Variants in PIK3CB observed in about 807,000 individuals in gnomAD.
PIK3CB encodes the protein phosphatidylinositol 4,5-bisphosphate 3-kinase catalytic subunit beta isoform.
PIK3CB carries 39 observed loss-of-function variants against 136.8 expected under a neutral mutation model. The ratio of observed to expected loss-of-function variants is 0.29; its 90% CI spans 0.22 to 0.37. The LOEUF is 0.37. PIK3CB is among the 10% of genes least tolerant of loss of function. The pLI is 1.00. For missense variants in PIK3CB, 868 were observed against 1,275.4 expected, an observed-to-expected ratio of 0.68 and a Z score of 4.87; for synonymous variants, 428 against 436.6, an observed-to-expected ratio of 0.98 and a Z score of 0.25.
rs2108561647 is a variant in PIK3CB at position 138,707,555 on chromosome 3, T to A, written c.1400-266A>T. The A allele has an allele frequency of 3.3e-6, 4 of 1,194,326 alleles. No homozygotes were observed. The South Asian group carries it at 9.4e-5, about 28-fold the overall frequency. 74.0% of individuals were successfully genotyped at this position (1,194,326 alleles called of 1,614,324 possible). A position where few individuals can be genotyped will look rare whatever the true frequency, so the allele number is the denominator to read the frequency against. On this transcript the variant is annotated intron_variant, in intron 10 of 23. Transcript: ENST00000674063. ...CTCTTAATTCAAATTTAGTTCTCAATCTTGAAAAGACTTTAATTGGAACTG... is the reference window on the plus strand; with the variant it reads ...CTCTTAATTCAAATTTAGTTCTCAAACTTGAAAAGACTTTAATTGGAACTG...
intron 19 of PIK3CB, 93 bp from the exon 20 acceptor site, chr3:138,665,296 T>C: frequency 3.2e-6 from 3 of 949,078 alleles, no homozygotes; most frequent in South Asian, 5.4e-5. Flanking sequence ...AAAAAAGTTT[T>C]ATTATTATTG....
At chr3:138,831,417 A>C (rs891027975) in intron 1 of PIK3CB, among the ~76,000 whole-genome samples, 42 of 145,686 alleles carry the variant, frequency 2.9e-4, no homozygotes, top group African/African-American at 1.0e-3. Context: ...ACATGGAGAA[A>C]CCCCTAAAAA....
intron 1 of PIK3CB, among the ~76,000 whole-genome samples, chr3:138,806,015 A>G (rs997338035): frequency 2.0e-5 from 3 of 151,622 alleles, no homozygotes; most frequent in African/African-American, 7.3e-5. Context: ...GGCATGAGCC[A>G]CCGCGCCCGG....
Position 138,653,842 on chromosome 3 carries a change from G to A in PIK3CB, c.*1547C>T, listed in dbSNP as rs1161105196. On this transcript the variant is annotated 3_prime_UTR_variant, in exon 24 of 24. Transcript: ENST00000674063. ...TACCTCAGGCTCCCACCAAAGTCCA[G>A]GGGGCCTCCTATACCATGCCTGATG... 1 of 198,792 alleles carries A rather than the reference G, an allele frequency of 5.0e-6. No homozygotes were observed. Among genetic ancestry groups the A allele is most frequent in the Non-Finnish European group, 1.0e-5 (1 of 96,198 alleles). 12.3% of individuals were successfully genotyped at this position (198,792 alleles called of 1,614,324 possible).
chr3:138,699,720 T>C (rs578174349), intron 12 of PIK3CB, among the ~76,000 whole-genome samples: 1 of 152,202 alleles, frequency 6.6e-6, no homozygotes, highest in African/African-American at 2.4e-5. Context: ...TGAGAACTCA[T>C]GGTCTTTAAT....
At chr3:138,766,047 C>T (rs1056644619) in intron 2 of PIK3CB, among the ~76,000 whole-genome samples, 1 of 152,136 alleles carries the variant, frequency 6.6e-6, no homozygotes, top group Non-Finnish European at 1.5e-5. Flanking sequence ...TTGCCTAATG[C>T]TGCCATGTCT....
intron 14 of PIK3CB, among the ~76,000 whole-genome samples, chr3:138,693,333 G>A (rs1436286807): frequency 5.9e-5 from 9 of 151,384 alleles, no homozygotes; most frequent in Non-Finnish European, 8.8e-5. Context: ...TGGGCTCATC[G>A]ATCTGCCTGC....
At chr3:138,695,364 T>C (rs148678109) in intron 13 of PIK3CB, among the ~76,000 whole-genome samples, 74 of 152,360 alleles carry the variant, frequency 4.9e-4, no homozygotes, top group African/African-American at 1.7e-3. Flanking sequence ...TTTCTTTCAA[T>C]TGATTGCTCA....
intron 16 of PIK3CB, among the ~76,000 whole-genome samples, chr3:138,688,268 G>A (rs2043934893): frequency 6.6e-6 from 1 of 151,878 alleles, no homozygotes; most frequent in South Asian, 2.1e-4. Context: ...TTGGGAGGCC[G>A]AGGCGGGCGG....
chr3:138,779,288 G>A (rs1245257195), intron 2 of PIK3CB, among the ~76,000 whole-genome samples: 2 of 150,546 alleles, frequency 1.3e-5, no homozygotes, highest in African/African-American at 2.4e-5. Context: ...GGGTTTCACC[G>A]TGTTAGCCAG....
intron 8 of PIK3CB, among the ~76,000 whole-genome samples, chr3:138,723,822 C>G (rs1382870882): frequency 6.6e-6 from 1 of 152,024 alleles, no homozygotes; most frequent in African/African-American, 2.4e-5. Context: ...CCTTCTTGTT[C>G]CACAATATGG....
At chr3:138,658,813 C>G (rs1198162307) in intron 21 of PIK3CB, among the ~76,000 whole-genome samples, 1 of 152,126 alleles carries the variant, frequency 6.6e-6, no homozygotes, top group East Asian at 1.9e-4. Flanking sequence ...GTTCTATGAC[C>G]TTAGCATTAA....
At chr3:138,795,086 G>A (rs559370919) in intron 2 of PIK3CB, among the ~76,000 whole-genome samples, 91 of 152,118 alleles carry the variant, frequency 6.0e-4, no homozygotes, top group African/African-American at 2.0e-3. Flanking sequence ...TTGGGAGGCC[G>A]AGGCAGGCAG....
At chr3:138,705,181 C>CAAAAAAAAAAAAAAAAAAAAAAAAAAAAA (rs1277322816) in intron 11 of PIK3CB, among the ~76,000 whole-genome samples, 3 of 58,528 alleles carry the variant, frequency 5.1e-5, no homozygotes, top group African/African-American at 8.3e-5. Context: ...AAACAAAAAA[C>CAAAAAAAAAAAAAAAAAAAAAAAAAAAAA]AAAACAAACA....
rs575928361 is a variant in PIK3CB at position 138,703,577 on chromosome 3, T to C, written c.1581+866A>G. Among the ~76,000 whole-genome samples the C allele has an allele frequency of 5.6e-5, 8 of 142,874 alleles. 1 individual carries two copies. Among genetic ancestry groups the C allele is most frequent in the Middle Eastern group, 3.5e-3 (1 of 288 alleles). The allele number at this position is 142,874 out of a possible 152,430, so 93.7% of individuals were successfully genotyped here. ...ATATATATATATGTAGATATAGATATAGATATGTAGATATAGATATAGATA... is the reference window on the plus strand; with the variant it reads ...ATATATATATATGTAGATATAGATACAGATATGTAGATATAGATATAGATA... On this transcript the variant is annotated intron_variant, in intron 12 of 23. Coordinates refer to ENST00000674063, the MANE Select transcript of PIK3CB (RefSeq NM_006219.3).
Position 138,738,578 on chromosome 3 carries a change from C to T in PIK3CB, c.622-692G>A, listed in dbSNP as rs543441913. ...GAATTAAACCATAAATTAGCAATTA[C>T]GTCCAATTTTAGAGACATGTAAATA... On this transcript the variant is annotated intron_variant, in intron 5 of 23. Transcript: ENST00000674063. Among the ~76,000 whole-genome samples the T allele has an allele frequency of 4.6e-5, 7 of 152,222 alleles. No individual in the cohort carries two copies. The South Asian group carries it at 6.2e-4, about 14-fold the overall frequency.
chr3:138,775,431 A>C (rs769179295), intron 2 of PIK3CB, among the ~76,000 whole-genome samples: 22 of 152,186 alleles, frequency 1.4e-4, no homozygotes, highest in Non-Finnish European at 2.8e-4. Context: ...AGGTCTAGTG[A>C]GAGACTAGCG....
chr3:138,655,832 G>C (rs967585796), intron 23 of PIK3CB, among the ~76,000 whole-genome samples: 3 of 152,180 alleles, frequency 2.0e-5, no homozygotes, highest in African/African-American at 7.2e-5. Context: ...CAAGAAAAAG[G>C]CAGACTGTGG....
chr3:138,750,232 T>C (rs548360226), intron 4 of PIK3CB, among the ~76,000 whole-genome samples: 1 of 151,336 alleles, frequency 6.6e-6, no homozygotes. Flanking sequence ...TCTGGCTAAT[T>C]AGCATATCTA....
Sources: allele counts gnomAD v4.1 joint callset (sites outside exome capture counted in the v4.1 genomes callset), GRCh38; gene constraint gnomAD v4.1.1; transcripts MANE v1.5; gene names NCBI Gene and HGNC (gene_info 2026-07-23, HGNC 2026-07-21).